Variants in GRAMD1C observed in about 807,000 individuals in gnomAD.
The protein encoded by GRAMD1C is GRAM domain containing 1C, also known as protein Aster-C.
GRAMD1C carries 89 observed loss-of-function variants against 97.8 expected under a neutral mutation model. The ratio of observed to expected loss-of-function variants is 0.91; its 90% CI spans 0.77 to 1.09. GRAMD1C has a LOEUF of 1.09. Ranked by LOEUF, GRAMD1C falls within the 50% of genes least tolerant of loss-of-function variation. The pLI, the probability that GRAMD1C is intolerant of heterozygous loss-of-function variation, is 0.00. For missense variants in GRAMD1C, 740 were observed against 766.4 expected, an observed-to-expected ratio of 0.97 and a Z score of 0.41; for synonymous variants, 256 against 267.0, an observed-to-expected ratio of 0.96 and a Z score of 0.40.
intron 6 of GRAMD1C, chr3:113,890,998 C>A: frequency 2.1e-6 from 1 of 480,196 alleles, no homozygotes. Flanking sequence ...CTGATATTAT[C>A]TGTGTTTCTG....
At chr3:113,840,735 G>A (rs1709763237) in intron 1 of GRAMD1C, among the ~76,000 whole-genome samples, 1 of 152,222 alleles carries the variant, frequency 6.6e-6, no homozygotes, top group South Asian at 2.1e-4. Flanking sequence ...CAGCCTGGGT[G>A]ACAGAGACCA....
At position 113,919,213 on chromosome 3, in the gene GRAMD1C, G is replaced by A. The variant is rs538289389; in HGVS notation, c.1090+3375G>A. ...GTAAAGTAGCGGGGATGTGGTGGCC[G>A]TGCTGACAATGAGTTTTCTTGAAGG... On this transcript the variant is annotated intron_variant, in intron 10 of 17. Coordinates refer to ENST00000358160, the MANE Select transcript of GRAMD1C (RefSeq NM_017577.5). 6.3e-4 allele frequency: 228 copies of A among 362,834 alleles called. 2 individuals are homozygous for A. Among genetic ancestry groups the A allele is most frequent in the South Asian group, 4.8e-3 (211 of 44,308 alleles). 22.5% of individuals were successfully genotyped at this position (362,834 alleles called of 1,614,324 possible).
At chr3:113,898,122 T>G (rs187698045) in intron 6 of GRAMD1C, among the ~76,000 whole-genome samples, 6 of 152,284 alleles carry the variant, frequency 3.9e-5, no homozygotes, top group African/African-American at 1.2e-4. Flanking sequence ...ACCCTGCTAT[T>G]AACTTCCTGC....
intron 8 of GRAMD1C, among the ~76,000 whole-genome samples, chr3:113,904,926 CT>C (rs978894934): frequency 2.6e-5 from 4 of 152,204 alleles, no homozygotes; most frequent in African/African-American, 4.8e-5. Context: ...CCTCCACCCC[CT>C]GGGTTCAAAC....
At chr3:113,916,361 AG>A (rs1936810273) in intron 10 of GRAMD1C, among the ~76,000 whole-genome samples, 1 of 152,246 alleles carries the variant, frequency 6.6e-6, no homozygotes, top group Non-Finnish European at 1.5e-5. Flanking sequence ...AGTGTCCATC[AG>A]TAATAGAATG....
At chr3:113,874,488 A>G (rs1182545880) in intron 3 of GRAMD1C, among the ~76,000 whole-genome samples, 1 of 151,998 alleles carries the variant, frequency 6.6e-6, no homozygotes, top group Non-Finnish European at 1.5e-5. Context: ...AGCTGGGATT[A>G]CAGGTGCCCA....
chr3:113,889,165 A>C (rs1935621952), intron 6 of GRAMD1C, among the ~76,000 whole-genome samples: 2 of 150,986 alleles, frequency 1.3e-5, no homozygotes, highest in African/African-American at 4.9e-5. Flanking sequence ...GCGCTATTGC[A>C]CTCCAGCCTG....
Position 113,946,528 on chromosome 3 carries a change from C to T in GRAMD1C, c.*1050C>T, listed in dbSNP as rs1938090697. ...AAAAAGTTTTTATGCATATGTGTCT[C>T]CATACAAGTGGCTCATTAAAATAAG... is the stretch of plus-strand genomic sequence containing the variant. On this transcript the variant is annotated 3_prime_UTR_variant, in exon 18 of 18. Transcript: ENST00000358160. 1.3e-5 allele frequency: 2 copies of T among 152,174 alleles called. No homozygotes were observed. Among genetic ancestry groups the T allele is most frequent in the African/African-American group, 2.4e-5 (1 of 41,436 alleles). 9.4% of individuals were successfully genotyped at this position (152,174 alleles called of 1,614,324 possible). A position where few individuals can be genotyped will look rare whatever the true frequency, so the allele number is the denominator to read the frequency against.
chr3:113,876,057 T>C (rs1935016808), intron 4 of GRAMD1C, 108 bp from the exon 5 acceptor site: 1 of 629,688 alleles, frequency 1.6e-6, no homozygotes, highest in Non-Finnish European at 2.8e-6. Flanking sequence ...ACCTGAAGAA[T>C]ATTCAACTGT....
chr3:113,850,759 G>C (rs1933860988), intron 2 of GRAMD1C: 32 of 1,214,004 alleles, frequency 2.6e-5, no homozygotes, highest in Non-Finnish European at 3.7e-5. Flanking sequence ...CCGGGGCTGA[G>C]GCTGGAAAGG....
intron 2 of GRAMD1C, among the ~76,000 whole-genome samples, chr3:113,856,107 C>G (rs945395606): frequency 6.6e-6 from 1 of 151,984 alleles, no homozygotes; most frequent in Non-Finnish European, 1.5e-5. Flanking sequence ...AGGCTGGTGT[C>G]GAACTCCTGA....
intron 6 of GRAMD1C, among the ~76,000 whole-genome samples, chr3:113,893,347 A>G (rs1016127004): frequency 2.6e-5 from 4 of 151,614 alleles, no homozygotes; most frequent in African/African-American, 9.7e-5. Context: ...ACATCTTAAT[A>G]TACCCTCTCA....
intron 8 of GRAMD1C, among the ~76,000 whole-genome samples, chr3:113,904,485 G>A (rs1408427231): frequency 6.6e-6 from 1 of 152,146 alleles, no homozygotes; most frequent in African/African-American, 2.4e-5. Context: ...CAGAGCTACC[G>A]AGCAGTTTTA....
intron 2 of GRAMD1C, among the ~76,000 whole-genome samples, chr3:113,862,248 G>A (rs528774890): frequency 1.3e-5 from 2 of 152,284 alleles, no homozygotes; most frequent in South Asian, 4.1e-4. Flanking sequence ...AATAAGCCTA[G>A]GAGTGCCACG....
chr3:113,890,732 A>C, intron 6 of GRAMD1C: 1 of 700,412 alleles, frequency 1.4e-6, no homozygotes, highest in African/African-American at 1.7e-5. Context: ...TGTCCTTCCA[A>C]TGTCACATTT....
chr3:113,877,657 G>A (rs1935097005), intron 5 of GRAMD1C, among the ~76,000 whole-genome samples: 1 of 152,144 alleles, frequency 6.6e-6, no homozygotes, highest in African/African-American at 2.4e-5. Flanking sequence ...CATCCTATCA[G>A]ATGGCACATG....
upstream of GRAMD1C, among the ~76,000 whole-genome samples, chr3:113,836,530 C>T (rs1214735616): frequency 6.8e-6 from 1 of 147,458 alleles, no homozygotes; most frequent in African/African-American, 2.5e-5. Flanking sequence ...CTCCTAAATA[C>T]TTTTTTTTTT....
At chr3:113,902,580 T>G (rs932307745) in intron 7 of GRAMD1C, among the ~76,000 whole-genome samples, 3 of 152,202 alleles carry the variant, frequency 2.0e-5, no homozygotes, top group Admixed American at 6.5e-5. Flanking sequence ...CTTGAAAAGT[T>G]TCTAGTCTTT....
chr3:113,908,826 G>A (rs1936459791), intron 8 of GRAMD1C, 132 bp from the exon 9 acceptor site: 1 of 565,690 alleles, frequency 1.8e-6, no homozygotes, highest in Non-Finnish European at 3.1e-6. Flanking sequence ...TGTGATGCAA[G>A]TATAACAAAC....
Sources: allele counts gnomAD v4.1 joint callset (sites outside exome capture counted in the v4.1 genomes callset), GRCh38; gene constraint gnomAD v4.1.1; transcripts MANE v1.5; gene names NCBI Gene and HGNC (gene_info 2026-07-23, HGNC 2026-07-21).